Variants in DNAJB4 observed in about 807,000 individuals in gnomAD.
DNAJB4 encodes the protein dnaJ homolog subfamily B member 4.
A neutral mutation model predicts 26.6 loss-of-function variants in DNAJB4; 10 were observed. The ratio of observed to expected loss-of-function variants is 0.38; its 90% confidence interval spans 0.23 to 0.64. The LOEUF (loss-of-function observed/expected upper bound fraction) is 0.64. Among genes scored for constraint, DNAJB4 ranks in the 30% least tolerant of loss-of-function variants. The probability of loss-of-function intolerance (pLI) is 0.58; values close to 1 mark genes in which losing one functional copy is unlikely to be tolerated. For synonymous variants in DNAJB4, 136 were observed against 134.8 expected (o/e 1.01, Z -0.06); for missense variants, 328 against 408.2 (o/e 0.80, Z 1.69).
At chr1:77,999,408 T>C (rs1384512242) in intron 1 of DNAJB4, among the ~76,000 whole-genome samples, 1 of 151,260 alleles carries the variant, frequency 6.6e-6, no homozygotes. Flanking sequence ...ATAAATGTTA[T>C]TATGGGGAAG....
At chr1:78,014,003 C>T (rs6424650) in intron 2 of DNAJB4, among the ~76,000 whole-genome samples, 136,690 of 152,016 alleles carry the variant, frequency 0.9, 61,574 homozygotes, top group Non-Finnish European at 0.93. Flanking sequence ...TAATTCACTA[C>T]AAATTTGTAT....
chr1:77,998,360 C>G (rs1394636098), intron 1 of DNAJB4, among the ~76,000 whole-genome samples: 1 of 152,046 alleles, frequency 6.6e-6, no homozygotes, highest in Non-Finnish European at 1.5e-5. Context: ...TTGACAAATT[C>G]CAAATATAAT....
chr1:78,011,485 CTTTT>C (rs34009878), intron 1 of DNAJB4, among the ~76,000 whole-genome samples: 7 of 125,626 alleles, frequency 5.6e-5, no homozygotes, highest in East Asian at 2.3e-4. Context: ...TATTTTAATT[CTTTT>C]TTTTTTTTTT....
chr1:77,979,191 G>C (rs534236786), upstream of DNAJB4: 3 of 603,516 alleles, frequency 5.0e-6, no homozygotes, highest in Non-Finnish European at 8.6e-6. Flanking sequence ...GTGTGGGTTA[G>C]GGCTGAGAAA....
At chr1:78,014,811 G>C (rs2102616268) in intron 2 of DNAJB4, among the ~76,000 whole-genome samples, 1 of 152,118 alleles carries the variant, frequency 6.6e-6, no homozygotes, top group Non-Finnish European at 1.5e-5. Flanking sequence ...ATGTTGGCCA[G>C]GCTCGTCTTG....
At chr1:78,010,076 G>A (rs1660429347) in intron 1 of DNAJB4, among the ~76,000 whole-genome samples, 1 of 152,192 alleles carries the variant, frequency 6.6e-6, no homozygotes, top group Admixed American at 6.5e-5. Context: ...TCTTCTCAGA[G>A]ACTTTGTAAT....
intron 1 of DNAJB4, among the ~76,000 whole-genome samples, chr1:77,984,083 C>T (rs1482362278): frequency 1.3e-5 from 2 of 152,176 alleles, no homozygotes; most frequent in Non-Finnish European, 2.9e-5. Context: ...AAACCTAATT[C>T]AATGTAAACT....
intron 1 of DNAJB4, among the ~76,000 whole-genome samples, chr1:77,986,667 CT>C (rs1459115362): frequency 2.0e-5 from 3 of 152,138 alleles, no homozygotes; most frequent in South Asian, 2.1e-4. Flanking sequence ...ATTCTTTAAC[CT>C]TTTTTGAGTT....
chr1:78,003,695 A>G (rs746319783), upstream of DNAJB4, among the ~76,000 whole-genome samples: 1 of 152,172 alleles, frequency 6.6e-6, no homozygotes, highest in South Asian at 2.1e-4. Context: ...TGAGAAAACC[A>G]TACAGGAGAT....
chr1:77,981,681 T>C (rs1233311216), intron 1 of DNAJB4, among the ~76,000 whole-genome samples: 1 of 152,188 alleles, frequency 6.6e-6, no homozygotes, highest in Non-Finnish European at 1.5e-5. Flanking sequence ...TTTGTGAAAA[T>C]ATAAATAAAC....
chr1:78,011,169 T>A (rs1359636133), intron 1 of DNAJB4, among the ~76,000 whole-genome samples: 1 of 152,220 alleles, frequency 6.6e-6, no homozygotes, highest in Non-Finnish European at 1.5e-5. Flanking sequence ...TTGTTTCAAA[T>A]ATAATCTTTT....
chr1:78,012,159 C>CTTTTTTTTTTTTTTTTTTTTTTTTT (rs1270987929), intron 1 of DNAJB4, among the ~76,000 whole-genome samples: 1 of 88,792 alleles, frequency 1.1e-5, no homozygotes, highest in Non-Finnish European at 1.9e-5. Flanking sequence ...CTTTTCTTTT[C>CTTTTTTTTTTTTTTTTTTTTTTTTT]TTTTTTTTTT....
chr1:78,011,672 C>T (rs1051483037), intron 1 of DNAJB4, among the ~76,000 whole-genome samples: 3 of 151,466 alleles, frequency 2.0e-5, no homozygotes, highest in Admixed American at 6.6e-5. Flanking sequence ...ATAGTAGAGA[C>T]GGGGTTTCAC....
chr1:77,999,456 G>T (rs1660140619), intron 1 of DNAJB4, among the ~76,000 whole-genome samples: 1 of 150,676 alleles, frequency 6.6e-6, no homozygotes, highest in African/African-American at 2.4e-5. Context: ...ACACTGAGAA[G>T]ATAGTAAAAT....
chr1:77,988,937 C>A (rs1659867005), intron 1 of DNAJB4, among the ~76,000 whole-genome samples: 1 of 152,124 alleles, frequency 6.6e-6, no homozygotes, highest in African/African-American at 2.4e-5. Context: ...TTCATTCATT[C>A]TGGTTTCAGC....
At chr1:77,986,380 C>A (rs1571422679) in intron 1 of DNAJB4, among the ~76,000 whole-genome samples, 1 of 152,230 alleles carries the variant, frequency 6.6e-6, no homozygotes, top group African/African-American at 2.4e-5. Flanking sequence ...CAATAAAAAT[C>A]TTCAAGTCTG....
chr1:78,004,957 G>T lies in DNAJB4; in HGVS notation c.-154G>T. 1.4e-6 allele frequency: 1 copy of T among 723,898 alleles called. No homozygotes were observed. The highest frequency in any genetic ancestry group is 2.5e-5 in the East Asian group (1 of 39,816). The allele number at this position is 723,898 out of a possible 1,614,324, so 44.8% of individuals were successfully genotyped here. A position where few individuals can be genotyped will look rare whatever the true frequency, so the allele number is the denominator to read the frequency against. On this transcript the variant is annotated 5_prime_UTR_variant, in exon 1 of 3. Coordinates refer to ENST00000370763, the MANE Select transcript of DNAJB4 (RefSeq NM_007034.5). ...TTGGGGAAGGATTGAATACAGAGAC[G>T]CTGTCTGCTTGCTGCCTTAAGACAG...
intron 1 of DNAJB4, among the ~76,000 whole-genome samples, chr1:77,995,847 G>A (rs1033748952): frequency 2.0e-5 from 3 of 152,168 alleles, no homozygotes; most frequent in African/African-American, 7.2e-5. Flanking sequence ...TTGGGAGGCT[G>A]AAATAGGAGA....
In DNAJB4 at chr1:77,985,317, T is replaced by C. The variant is rs192435091; in HGVS notation, c.-32+4995T>C. ...GACATTTCCATGTCTCTATTTATAG[T>C]AGTGATCTCTTTGGAATTTGCCTTC... On this transcript the variant is annotated intron_variant, in intron 1 of 2. Coordinates refer to the DNAJB4 transcript ENST00000426517. Among the ~76,000 whole-genome samples the C allele has an allele frequency of 1.1e-4, 16 of 152,282 alleles. No individual in the cohort carries two copies. In the East Asian group the frequency reaches 3.1e-3, roughly 29 times the overall value.
Sources: allele counts gnomAD v4.1 joint callset (sites outside exome capture counted in the v4.1 genomes callset), GRCh38; gene constraint gnomAD v4.1.1; transcripts MANE v1.5; gene names NCBI Gene and HGNC (gene_info 2026-07-23, HGNC 2026-07-21).